IBTK: variants seen among roughly 807,000 people sequenced by gnomAD.
IBTK encodes the protein BTK-binding protein.
Under a neutral mutation model 154.9 loss-of-function variants are expected in IBTK, and 83 were observed. The ratio of observed to expected loss-of-function variants is 0.54; its 90% CI spans 0.45 to 0.64. The LOEUF (loss-of-function observed/expected upper bound fraction) is 0.64, where lower values mean the gene tolerates loss of function less well. Among genes scored for constraint, IBTK ranks in the 30% least tolerant of loss-of-function variants. The pLI, the probability that IBTK is intolerant of heterozygous loss-of-function variation, is 0.00. For missense variants in IBTK, 1,332 were observed against 1,584.6 expected (o/e 0.84, Z 2.71); for synonymous variants, 515 against 536.1 (o/e 0.96, Z 0.54).
intron 1 of IBTK, among the ~76,000 whole-genome samples, chr6:82,245,901 T>C (rs75598833): frequency 0.021 from 3,142 of 151,548 alleles, 119 homozygotes; most frequent in African/African-American, 0.07. Flanking sequence ...GTCAATACTT[T>C]GGAAGTGAGT....
intron 1 of IBTK, among the ~76,000 whole-genome samples, chr6:82,246,537 C>T (rs1362768851): frequency 6.6e-6 from 1 of 151,038 alleles, no homozygotes; most frequent in Admixed American, 6.6e-5. Context: ...CTCCACCTCC[C>T]GGGTTCAAGC....
At chr6:82,219,459 G>A (rs1770009822) in intron 9 of IBTK, among the ~76,000 whole-genome samples, 1 of 151,942 alleles carries the variant, frequency 6.6e-6, no homozygotes. Flanking sequence ...AAACCAGAAA[G>A]TTATCTGTGT....
intron 1 of IBTK, among the ~76,000 whole-genome samples, chr6:82,243,986 G>C (rs1248643973): frequency 6.6e-6 from 1 of 152,124 alleles, no homozygotes; most frequent in Non-Finnish European, 1.5e-5. Flanking sequence ...ACATGGAAGC[G>C]ATTAAGAGCT....
chr6:82,214,460 T>A lies in IBTK; in HGVS notation c.1971A>T (p.Pro657=), dbSNP rs755236297. ...AATTCAGAGTTCCCTGATATTCTTC[T>A]GGGTTTTTGTTTAAGTGTATTCTTG... is the stretch of plus-strand genomic sequence containing the variant. The part of the protein sequence containing the change: ...FKPRIHLNKN[P]EEYQGTLNSH... Residue 657 remains proline (P), a synonymous_variant, in exon 12 of 29, where the codon CCA becomes CCT. Transcript: ENST00000306270. 2 of 1,614,084 alleles carry A rather than the reference T, an allele frequency of 1.2e-6. No homozygotes were observed. The highest frequency in any genetic ancestry group is 2.2e-5 in the South Asian group (2 of 91,072).
At chr6:82,221,550 T>A (rs1249638980) in intron 8 of IBTK, among the ~76,000 whole-genome samples, 1 of 152,196 alleles carries the variant, frequency 6.6e-6, no homozygotes, top group African/African-American at 2.4e-5. Context: ...ACATTTGATG[T>A]GCATAGCATT....
chr6:82,191,678 A>C, intron 24 of IBTK, 109 bp downstream of exon 24: 2 of 759,646 alleles, frequency 2.6e-6, no homozygotes, highest in Non-Finnish European at 4.7e-6. Context: ...ATGTATAATT[A>C]ACTATAACAT....
In IBTK at chr6:82,214,542, T is replaced by G. The variant is rs141931519; in HGVS notation, c.1889A>C (p.Tyr630Ser). Residue 630 changes from tyrosine to serine, a missense_variant, in exon 12 of 29, where the codon TAC (tyrosine) becomes TCC (serine). This residue lies in a region of IBTK where 1,134 missense variants were observed against 1,274.7 expected (regional missense o/e 0.89). Coordinates refer to ENST00000306270, the MANE Select transcript of IBTK (RefSeq NM_015525.4). ...ATCTGTGTATATAAATTGTAAAAGG[T>G]ATTCAAACATGTCAGGATGAACCTT... ...VEKVHPDMFEYLLQFIYTDTC... is the reference protein window; with the variant it reads ...VEKVHPDMFESLLQFIYTDTC... The G allele has an allele frequency of 3.7e-6, 6 of 1,613,922 alleles. No individual in the cohort carries two copies. The African/African-American group carries it at 6.7e-5, about 18-fold the overall frequency.
At chr6:82,243,936 A>G (rs573941448) in intron 1 of IBTK, among the ~76,000 whole-genome samples, 3 of 152,344 alleles carry the variant, frequency 2.0e-5, no homozygotes, top group African/African-American at 7.2e-5. Flanking sequence ...CCATACTATC[A>G]TATAGAGAAA....
intron 1 of IBTK, among the ~76,000 whole-genome samples, chr6:82,246,382 C>T (rs1031182892): frequency 6.7e-6 from 1 of 150,338 alleles, no homozygotes; most frequent in African/African-American, 2.5e-5. Flanking sequence ...TGGCCTCGAA[C>T]TCCTGACCTC....
intron 1 of IBTK, among the ~76,000 whole-genome samples, chr6:82,243,255 A>C (rs1056116949): frequency 6.6e-6 from 1 of 151,656 alleles, no homozygotes; most frequent in African/African-American, 2.4e-5. Flanking sequence ...AAAAAAAAAA[A>C]GTGTTTGGTA....
intron 25 of IBTK, among the ~76,000 whole-genome samples, chr6:82,182,968 C>G (rs1411838040): frequency 6.6e-6 from 1 of 152,102 alleles, no homozygotes; most frequent in Non-Finnish European, 1.5e-5. Flanking sequence ...GTGGAAGATC[C>G]TGAGTCAGAG....
At chr6:82,210,970 T>C (rs1769614104) in intron 15 of IBTK, 60 bp from the exon 16 acceptor site, 2 of 994,454 alleles carry the variant, frequency 2.0e-6, no homozygotes, top group Admixed American at 2.7e-5. Flanking sequence ...AAATATTACA[T>C]TCTAATTTGG....
chr6:82,218,124 C>G lies in IBTK; in HGVS notation c.1262G>C (p.Arg421Thr). The G allele has an allele frequency of 6.4e-7, 1 of 1,566,364 alleles. No homozygotes were observed. Among genetic ancestry groups the G allele is most frequent in the Non-Finnish European group, 8.6e-7 (1 of 1,159,974 alleles). Residue 421 changes from arginine to threonine, a missense_variant, in exon 10 of 29, where the codon AGA becomes ACA. Transcript: ENST00000306270. ...CTGCTTCAGAGAACTGTTGACTGATCTCCAGCAAAACACCTAAAACAAAAC... is the reference window on the plus strand; with the variant it reads ...CTGCTTCAGAGAACTGTTGACTGATGTCCAGCAAAACACCTAAAACAAAAC... Reference protein sequence around the residue: ...MDGAGRVFCWRSVNSSLKQCR... With the variant: ...MDGAGRVFCWTSVNSSLKQCR...
chr6:82,231,874 A>G, intron 3 of IBTK, 32 bp from the exon 4 acceptor site: 1 of 1,339,340 alleles, frequency 7.5e-7, no homozygotes, highest in Non-Finnish European at 1.0e-6. Context: ...ATACTTTTTT[A>G]TATTTTAAAA....
intron 23 of IBTK, among the ~76,000 whole-genome samples, chr6:82,192,130 T>C (rs1768791800): frequency 1.3e-5 from 2 of 152,112 alleles, no homozygotes; most frequent in Admixed American, 1.3e-4. Context: ...AACTAATATG[T>C]ATCCAAAGTC....
intron 17 of IBTK, among the ~76,000 whole-genome samples, chr6:82,203,708 A>T (rs1323552610): frequency 6.6e-6 from 1 of 152,206 alleles, no homozygotes; most frequent in African/African-American, 2.4e-5. Flanking sequence ...AGCCAGAGCC[A>T]TGAAAGAACA....
At chr6:82,234,314 A>C in intron 2 of IBTK, 59 bp from the exon 3 acceptor site, 2 of 569,832 alleles carry the variant, frequency 3.5e-6, no homozygotes, top group Non-Finnish European at 5.2e-6. Flanking sequence ...TACCTATATC[A>C]TCAGTAACTT....
In IBTK at chr6:82,182,160, G is replaced by C. The variant is rs1768347332; in HGVS notation, c.3576-132C>G. The C allele has an allele frequency of 2.1e-5, 17 of 791,144 alleles. No homozygotes were observed. In the South Asian group the frequency reaches 3.2e-4, roughly 15 times the overall value. The allele number at this position is 791,144 out of a possible 1,614,324, so 49.0% of individuals were successfully genotyped here. A position where few individuals can be genotyped will look rare whatever the true frequency, so the allele number is the denominator to read the frequency against. On this transcript the variant is annotated intron_variant, in intron 25 of 28. Transcript: ENST00000306270. ...CAATTGCAGTTTTCAATGTGATGTT[G>C]GATTCTTGCTGCCAATTGTGAAATA...
In IBTK at chr6:82,211,527, T is replaced by C. The variant is rs1397339518; in HGVS notation, c.2337A>G (p.Glu779=). The change falls in exon 14 of 29, where the codon GAA becomes GAG. Residue 779 remains glutamate (E), a synonymous_variant. Coordinates refer to ENST00000306270, the MANE Select transcript of IBTK (RefSeq NM_015525.4). ...DVTMKSVDGK[E]FPCHKCVLCA... ...AAAGAACACATTTATGACAAGGAAA[T>C]TCCTTTCCATCCACTGATTTCATGG... 10 of 1,613,694 alleles carry C rather than the reference T, an allele frequency of 6.2e-6. No individual in the cohort carries two copies. Among genetic ancestry groups the C allele is most frequent in the Non-Finnish European group, 8.5e-7 (1 of 1,179,812 alleles).
Sources: gnomAD v4.1 joint callset for allele counts (sites outside exome capture counted in the v4.1 genomes callset) on GRCh38, gnomAD v4.1.1 for gene constraint, gnomAD v4.1.1 regional missense constraint, MANE v1.5 for transcripts, NCBI Gene and HGNC (gene_info 2026-07-23, HGNC 2026-07-21) for gene names.